NEMP2: variants seen among roughly 807,000 people sequenced by gnomAD.
NEMP2 encodes the protein UPF0571 transmembrane protein.
Under a neutral mutation model 54.2 loss-of-function variants are expected in NEMP2, and 53 were observed. That is an observed-to-expected ratio of 0.98 (90% CI 0.78 to 1.23). The LOEUF is 1.23. Ranked by LOEUF, NEMP2 falls within the 50% of genes most tolerant of loss-of-function variation. The pLI, the probability that NEMP2 is intolerant of heterozygous loss-of-function variation, is 0.00. For synonymous variants in NEMP2, 197 were observed against 190.3 expected (o/e 1.04, Z -0.29); for missense variants, 455 against 511.3 (o/e 0.89, Z 1.06).
chr2:190,553,199 A>G, the NEMP2 span: 2 of 152,228 alleles, frequency 1.3e-5, no homozygotes, highest in African/African-American at 4.8e-5. Flanking sequence ...TTAATCCTCA[A>G]AATAGTCCTC....
the NEMP2 span, among the ~76,000 whole-genome samples, chr2:190,493,711 C>G: frequency 1.3e-5 from 2 of 152,110 alleles, no homozygotes; most frequent in Non-Finnish European, 2.9e-5. Context: ...AAATCAACTC[C>G]AAAAGGAACC....
At chr2:190,472,425 A>C in the NEMP2 span, among the ~76,000 whole-genome samples, 7 of 152,226 alleles carry the variant, frequency 4.6e-5, no homozygotes, top group African/African-American at 1.7e-4. Flanking sequence ...ACGGCACGAG[A>C]AATAGGTGAC....
chr2:190,539,619 C>T (rs1349375688), upstream of NEMP2, among the ~76,000 whole-genome samples: 1 of 152,022 alleles, frequency 6.6e-6, no homozygotes, highest in African/African-American at 2.4e-5. This position sits in a 1 kb window ranked among gnomAD's most constrained non-coding sequence, Gnocchi z 4.1. Flanking sequence ...AGTTTACTTA[C>T]ATAGATTTTT....
the NEMP2 span, among the ~76,000 whole-genome samples, chr2:190,611,328 A>C: frequency 1.3e-5 from 2 of 152,224 alleles, no homozygotes; most frequent in African/African-American, 4.8e-5. This position sits in a 1 kb window ranked among gnomAD's most constrained non-coding sequence, Gnocchi z 5.4. Context: ...TCTGTATAAT[A>C]TTTATACCAA....
At chr2:190,501,526 G>T (rs1175070216), downstream of NEMP2, 1 of 152,182 alleles carries the variant, frequency 6.6e-6, no homozygotes, top group African/African-American at 2.4e-5. Context: ...CTGAATAAAG[G>T]TGAATTATAT....
At chr2:190,609,574 G>A in the NEMP2 span, 3 of 152,086 alleles carry the variant, frequency 2.0e-5, no homozygotes, top group Non-Finnish European at 4.4e-5. This position sits in a 1 kb window ranked among gnomAD's most constrained non-coding sequence, Gnocchi z 4.7. Flanking sequence ...TTACATTCCA[G>A]CCTTTGTATA....
chr2:190,498,452 AT>A, the NEMP2 span, among the ~76,000 whole-genome samples: 1 of 152,228 alleles, frequency 6.6e-6, no homozygotes, highest in South Asian at 2.1e-4. This position sits in a 1 kb window ranked among gnomAD's most constrained non-coding sequence, Gnocchi z 5.9. Context: ...AGATTTAAAA[AT>A]AAGGGTCATT....
chr2:190,422,772 T>C, the NEMP2 span, among the ~76,000 whole-genome samples: 9 of 152,206 alleles, frequency 5.9e-5, no homozygotes, highest in South Asian at 2.1e-4. Flanking sequence ...CTTGAAATTT[T>C]AAAGTTTTCT....
the NEMP2 span, among the ~76,000 whole-genome samples, chr2:190,577,392 A>AT: frequency 1.5e-3 from 230 of 152,304 alleles, no homozygotes; most frequent in African/African-American, 4.8e-3. The surrounding 1 kb of genome is among the most constrained non-coding windows in gnomAD (Gnocchi z 4.8). Context: ...AATGTCATAG[A>AT]TTATGTGTAA....
In NEMP2 at chr2:190,519,131, T is replaced by C; in HGVS notation, c.266A>G (p.His89Arg). Reference protein sequence around the residue: ...LFRIVYIAERHNCQYPENILS... With the variant: ...LFRIVYIAERRNCQYPENILS... Reference sequence around the variant, plus strand: ...AATGTTTTCTGGATATTGGCAATTATGTCTTTCTGCGATATATACAATTCT... The same window carrying C: ...AATGTTTTCTGGATATTGGCAATTACGTCTTTCTGCGATATATACAATTCT... The change falls in exon 3 of 9, where the codon CAT becomes CGT. Residue 89 changes from histidine to arginine, a missense_variant. By Grantham distance (29) the His-to-Arg change is conservative. Transcript: ENST00000409150. The surrounding 1 kb of genome is among the most constrained non-coding windows in gnomAD (Gnocchi z 5.4). 1 of 1,550,996 alleles carries C rather than the reference T, an allele frequency of 6.4e-7. No homozygotes were observed. The highest frequency in any genetic ancestry group is 1.2e-5 in the South Asian group (1 of 84,066).
chr2:190,493,021 C>A, the NEMP2 span, among the ~76,000 whole-genome samples: 1 of 151,810 alleles, frequency 6.6e-6, no homozygotes, highest in African/African-American at 2.4e-5. Context: ...TGGAATAGTA[C>A]CTCACATTTC....
At chr2:190,646,747 C>T in the NEMP2 span, 7 of 152,324 alleles carry the variant, frequency 4.6e-5, no homozygotes, top group East Asian at 1.3e-3. Context: ...TGTCCTGACA[C>T]ATTTCCTTTT....
the NEMP2 span, chr2:190,497,356 C>G: frequency 6.8e-7 from 1 of 1,480,534 alleles, no homozygotes; most frequent in African/African-American, 1.4e-5. The surrounding 1 kb of genome is among the most constrained non-coding windows in gnomAD (Gnocchi z 5.2). Flanking sequence ...ATATGGGATT[C>G]TTGGTTTATT....
the NEMP2 span, among the ~76,000 whole-genome samples, chr2:190,461,519 T>G: frequency 6.6e-6 from 1 of 152,236 alleles, no homozygotes; most frequent in Non-Finnish European, 1.5e-5. This position sits in a 1 kb window ranked among gnomAD's most constrained non-coding sequence, Gnocchi z 5.5. Context: ...GTCTTTTACC[T>G]TGCTTTAAAT....
chr2:190,534,030 C>T (rs1307738023), intron 1 of NEMP2: 2 of 975,478 alleles, frequency 2.1e-6, no homozygotes, highest in Admixed American at 6.9e-5. Flanking sequence ...CACGTGGGAC[C>T]GTTATGTTTA....
At chr2:190,614,475 T>G in the NEMP2 span, among the ~76,000 whole-genome samples, 9 of 152,322 alleles carry the variant, frequency 5.9e-5, no homozygotes, top group South Asian at 1.9e-3. The surrounding 1 kb of genome is among the most constrained non-coding windows in gnomAD (Gnocchi z 5.7). Context: ...GAAGGCCTTT[T>G]AAATACAAAC....
At chr2:190,627,397 C>T in the NEMP2 span, among the ~76,000 whole-genome samples, 1 of 152,088 alleles carries the variant, frequency 6.6e-6, no homozygotes, top group Non-Finnish European at 1.5e-5. This position sits in a 1 kb window ranked among gnomAD's most constrained non-coding sequence, Gnocchi z 4.4. Flanking sequence ...TTACTCTGAC[C>T]ATTCACAAAA....
At chr2:190,597,263 C>CAAAA in the NEMP2 span, among the ~76,000 whole-genome samples, 1 of 114,288 alleles carries the variant, frequency 8.7e-6, no homozygotes. This position sits in a 1 kb window ranked among gnomAD's most constrained non-coding sequence, Gnocchi z 4.7. Flanking sequence ...ACTCTGTCTC[C>CAAAA]AAAAAAAAAA....
the NEMP2 span, among the ~76,000 whole-genome samples, chr2:190,639,636 GTTT>G: frequency 1.4e-5 from 2 of 143,966 alleles, no homozygotes; most frequent in Non-Finnish European, 3.1e-5. Context: ...TTATTGTTGA[GTTT>G]TTTTTTTTTG....
Sources: allele counts gnomAD v4.1 joint callset (sites outside exome capture counted in the v4.1 genomes callset), GRCh38; gene constraint gnomAD v4.1.1; non-coding constraint Gnocchi (gnomAD v3.1); transcripts MANE v1.5; gene names NCBI Gene and HGNC (gene_info 2026-07-23, HGNC 2026-07-21).